Variants in LRRC7 observed in about 807,000 individuals in gnomAD.
LRRC7 encodes leucine rich repeat containing 7.
LRRC7 carries 23 observed loss-of-function variants against 175.7 expected under a neutral mutation model. The ratio of observed to expected loss-of-function variants is 0.13; its 90% CI spans 0.09 to 0.19. The LOEUF is 0.19. LRRC7 is among the 10% of genes least tolerant of loss of function. The probability of loss-of-function intolerance (pLI) is 1.00; values close to 1 mark genes in which losing one functional copy is unlikely to be tolerated. For missense variants in LRRC7, 1,354 were observed against 1,904.7 expected, an observed-to-expected ratio of 0.71 and a Z score of 5.38; for synonymous variants, 685 against 680.9, an observed-to-expected ratio of 1.01 and a Z score of -0.09.
rs544546011 is a variant in LRRC7, at chr1:69,986,253, G to T, written c.798G>T (p.Lys266Asn). 1 of 1,613,132 alleles carries T rather than the reference G, an allele frequency of 6.2e-7. No individual in the cohort carries two copies. The change falls in exon 10 of 27, where the codon AAG (lysine) becomes AAT (asparagine). Residue 266 changes from lysine to asparagine, a missense_variant. Transcript: ENST00000651989. ...GCAATGTCATCAAGTCTATAGGGAA[G>T]TTAAAGATGTTGGTATACCTGGATA... The part of the protein sequence containing the change: ...ALQVLPGSIG[K>N]LKMLVYLDMS...
chr1:70,126,036 C>T lies in LRRC7; in HGVS notation c.*4149C>T, dbSNP rs1179442684. On this transcript the variant is annotated 3_prime_UTR_variant, in exon 27 of 27. Coordinates refer to ENST00000651989, the MANE Select transcript of LRRC7 (RefSeq NM_001370785.2). ...GTAGTGTGCTTGCCACCTTGTCTTT[C>T]CGTTTAGTATGTTTACTAACTGTTA... is the stretch of plus-strand genomic sequence containing the variant. Among the ~76,000 whole-genome samples, 1 of 152,052 alleles carries T rather than the reference C, an allele frequency of 6.6e-6. No individual in the cohort carries two copies. Among genetic ancestry groups the T allele is most frequent in the African/African-American group, 2.4e-5 (1 of 41,390 alleles).
chr1:69,994,114 C>G (rs1379627020), intron 10 of LRRC7, among the ~76,000 whole-genome samples: 1 of 152,118 alleles, frequency 6.6e-6, no homozygotes, highest in African/African-American at 2.4e-5. Flanking sequence ...TGCAATACTT[C>G]AGTATTCATT....
chr1:69,785,588 G>A (rs145340539), intron 3 of LRRC7, among the ~76,000 whole-genome samples: 1 of 152,002 alleles, frequency 6.6e-6, no homozygotes, highest in African/African-American at 2.4e-5. Context: ...ATTTATCAAA[G>A]TCTTTTCCAC....
Position 70,076,106 on chromosome 1 carries a change from G to T in LRRC7, c.4260G>T (p.Gly1420=). ...KAGSHIQTLM[G]SQSLQHRSRE... The stretch of plus-strand genomic sequence containing the variant: ...GCAGCCACATCCAGACGTTGATGGG[G>T]TCCCAAAGCCTTCAGCATCGCAGCC... Residue 1420 remains glycine (G), a synonymous_variant, in exon 24 of 27, where the codon GGG becomes GGT. Coordinates refer to ENST00000651989, the MANE Select transcript of LRRC7 (RefSeq NM_001370785.2). 6.2e-7 allele frequency: 1 copy of T among 1,613,800 alleles called. No individual in the cohort carries two copies. Among genetic ancestry groups the T allele is most frequent in the Non-Finnish European group, 8.5e-7 (1 of 1,179,960 alleles).
At chr1:69,653,268 C>A (rs1244991113) in intron 1 of LRRC7, among the ~76,000 whole-genome samples, 4 of 124,704 alleles carry the variant, frequency 3.2e-5, no homozygotes. Context: ...TAAAAGTGGG[C>A]AAATAATTTA....
At chr1:69,922,717 T>G (rs1360980918) in intron 7 of LRRC7, among the ~76,000 whole-genome samples, 1 of 152,150 alleles carries the variant, frequency 6.6e-6, no homozygotes. Flanking sequence ...TCAAATTAAG[T>G]GGTCAGTTCT....
chr1:70,048,506 G>A (rs956838828), intron 22 of LRRC7, among the ~76,000 whole-genome samples: 1 of 152,036 alleles, frequency 6.6e-6, no homozygotes, highest in Admixed American at 6.6e-5. Flanking sequence ...CTATGATGAT[G>A]CTTTCTCAAA....
intron 1 of LRRC7, among the ~76,000 whole-genome samples, chr1:69,574,760 C>A (rs922473133): frequency 1.3e-5 from 2 of 152,172 alleles, no homozygotes; most frequent in East Asian, 3.9e-4. Context: ...TGGAAATATA[C>A]CTTGGACCAC....
chr1:69,648,613 G>A (rs898461902), intron 1 of LRRC7, among the ~76,000 whole-genome samples: 29 of 152,132 alleles, frequency 1.9e-4, no homozygotes, highest in Admixed American at 5.9e-4. Context: ...TTTGGCTCCT[G>A]CCCAGTAAGC....
intron 3 of LRRC7, among the ~76,000 whole-genome samples, chr1:69,764,325 A>G (rs960477015): frequency 6.6e-6 from 1 of 152,008 alleles, no homozygotes; most frequent in Admixed American, 6.6e-5. Context: ...AAAGCAATAA[A>G]GAGAAAAACT....
In LRRC7 at chr1:69,975,700, A is replaced by C. The variant is rs181617853; in HGVS notation, c.712-4679A>C. 9.2e-5 allele frequency among the ~76,000 whole-genome samples: 14 copies of C among 152,300 alleles called. No individual in the cohort carries two copies. In the East Asian group the frequency reaches 2.3e-3, roughly 25 times the overall value. ...AGATTACCTCATTTCCTACTTCATCAAGAAAATTTGAGATCTTCAGAAATG... is the reference window on the plus strand; with the variant it reads ...AGATTACCTCATTTCCTACTTCATCCAGAAAATTTGAGATCTTCAGAAATG... On this transcript the variant is annotated intron_variant, in intron 8 of 26. Coordinates refer to ENST00000651989, the MANE Select transcript of LRRC7 (RefSeq NM_001370785.2).
chr1:69,820,496 C>A (rs1395146491), intron 4 of LRRC7, among the ~76,000 whole-genome samples: 2 of 152,064 alleles, frequency 1.3e-5, no homozygotes, highest in East Asian at 1.9e-4. Flanking sequence ...TTAGGTATTT[C>A]TCCTAATGCT....
At chr1:69,791,867 T>C (rs1476349241) in intron 3 of LRRC7, among the ~76,000 whole-genome samples, 176 bp from the exon 4 acceptor site, 1 of 151,962 alleles carries the variant, frequency 6.6e-6, no homozygotes, top group Non-Finnish European at 1.5e-5. Context: ...AACATGGGAA[T>C]AGAATGTGAA....
chr1:69,863,336 T>C (rs1188608702), intron 7 of LRRC7, among the ~76,000 whole-genome samples: 1 of 152,202 alleles, frequency 6.6e-6, no homozygotes, highest in East Asian at 1.9e-4. Flanking sequence ...ATAACACTGG[T>C]TAATATTATA....
At chr1:70,036,073 A>G in intron 18 of LRRC7, 48 bp from the exon 19 acceptor site, 3 of 1,452,194 alleles carry the variant, frequency 2.1e-6, no homozygotes, top group Non-Finnish European at 1.9e-6. Flanking sequence ...TTGGTTAACC[A>G]TTGTTTAAAT....
At chr1:69,975,868 C>T (rs2101878130) in intron 8 of LRRC7, among the ~76,000 whole-genome samples, 1 of 152,148 alleles carries the variant, frequency 6.6e-6, no homozygotes, top group South Asian at 2.1e-4. Flanking sequence ...ATCTCCTCTT[C>T]ATTGTCCCCT....
chr1:69,660,028 C>A (rs1314098956), intron 1 of LRRC7, among the ~76,000 whole-genome samples: 1 of 151,654 alleles, frequency 6.6e-6, no homozygotes. Context: ...TTTAAAAAAT[C>A]TTTTAAAATT....
In LRRC7 at chr1:70,101,452, A is replaced by G. The variant is rs529996988; in HGVS notation, c.4546-6300A>G. On this transcript the variant is annotated intron_variant, in intron 25 of 26. Transcript: ENST00000651989. ...GTTCTATTTTGGTATCTACATTTACAATGGCTGAGACTGTCACAATCGTTC... is the reference window on the plus strand; with the variant it reads ...GTTCTATTTTGGTATCTACATTTACGATGGCTGAGACTGTCACAATCGTTC... 3.7e-4 allele frequency among the ~76,000 whole-genome samples: 57 copies of G among 152,210 alleles called. 1 individual carries two copies. The highest frequency in any genetic ancestry group is 5.4e-4 in the Non-Finnish European group (37 of 68,030).
chr1:70,012,877 A>G (rs1411272583), intron 12 of LRRC7, 97 bp from the exon 13 acceptor site: 3 of 549,438 alleles, frequency 5.5e-6, no homozygotes, highest in African/African-American at 2.0e-5. Flanking sequence ...AGTTAAAAAT[A>G]AGAAAATCTA....
Sources: gnomAD v4.1 joint callset for allele counts (sites outside exome capture counted in the v4.1 genomes callset) on GRCh38, gnomAD v4.1.1 for gene constraint, MANE v1.5 for transcripts, NCBI Gene and HGNC (gene_info 2026-07-23, HGNC 2026-07-21) for gene names.